The following B3GALNT2 variants were observed in gnomAD, a reference collection of about 807,000 sequenced individuals.
B3GALNT2 encodes beta-1,3-N-acetylgalactosaminyltransferase 2.
Under a neutral mutation model 61.1 loss-of-function variants are expected in B3GALNT2, and 53 were observed. The ratio of observed to expected loss-of-function variants is 0.87; its 90% CI spans 0.70 to 1.09. B3GALNT2 has a LOEUF of 1.09. Among genes scored for constraint, B3GALNT2 ranks in the 50% least tolerant of loss-of-function variants. B3GALNT2 has a pLI of 0.00. For synonymous variants in B3GALNT2, 223 were observed against 237.4 expected, an observed-to-expected ratio of 0.94 and a Z score of 0.56; for missense variants, 544 against 623.0, an observed-to-expected ratio of 0.87 and a Z score of 1.35.
chr1:235,441,166 T>C, the B3GALNT2 span: 1 of 153,314 alleles, frequency 6.5e-6, no homozygotes, highest in Non-Finnish European at 1.5e-5. Context: ...ATTTCACTGC[T>C]AAGAATGTTA....
intron 7 of B3GALNT2, among the ~76,000 whole-genome samples, chr1:235,461,019 C>T (rs1418598160): frequency 3.3e-5 from 5 of 152,188 alleles, no homozygotes; most frequent in African/African-American, 7.2e-5. Flanking sequence ...GCAATTCTTT[C>T]GCTGTGGCAG....
At chr1:235,442,827 G>T, downstream of B3GALNT2, 1 of 1,609,540 alleles carries the variant, frequency 6.2e-7, no homozygotes, top group Non-Finnish European at 8.5e-7. Flanking sequence ...ATATCAATTA[G>T]TCTTTTTCTT....
rs539701016 is a variant in B3GALNT2 at position 235,457,899 on chromosome 1, CTTTT to C, written c.1025+700_1025+703del. ...GCAGAAATGACTCAAAATGAATCAA[CTTTT>C]TTTTTTTTTTTCTTTTTTTTTGAGA... On this transcript the variant is annotated intron_variant, in intron 8 of 11. Transcript: ENST00000366600. Among the ~76,000 whole-genome samples, 192 of 142,866 alleles carry C rather than the reference CTTTT, an allele frequency of 1.3e-3. 1 individual carries two copies. Among genetic ancestry groups the C allele is most frequent in the African/African-American group, 4.5e-3 (177 of 38,912 alleles). The allele number at this position is 142,866 out of a possible 152,430, so 93.7% of individuals were successfully genotyped here. A position where few individuals can be genotyped will look rare whatever the true frequency, so the allele number is the denominator to read the frequency against.
At chr1:235,495,389 T>G (rs2102864364) in intron 1 of B3GALNT2, among the ~76,000 whole-genome samples, 1 of 152,306 alleles carries the variant, frequency 6.6e-6, no homozygotes, top group Middle Eastern at 3.4e-3. Context: ...TACATTAATG[T>G]TAGTTATTAA....
chr1:235,480,703 C>T (rs1572531938), intron 4 of B3GALNT2, among the ~76,000 whole-genome samples: 1 of 151,694 alleles, frequency 6.6e-6, no homozygotes, highest in Non-Finnish European at 1.5e-5. Flanking sequence ...TCAGGAGTTC[C>T]AGACCAGCCT....
chr1:235,443,911 A>G (rs1322798090), downstream of B3GALNT2, among the ~76,000 whole-genome samples: 1 of 152,244 alleles, frequency 6.6e-6, no homozygotes, highest in Non-Finnish European at 1.5e-5. Context: ...CAAAAGAAAA[A>G]TGAAATTATA....
intron 2 of B3GALNT2, among the ~76,000 whole-genome samples, chr1:235,493,926 G>C (rs964171537): frequency 6.6e-6 from 1 of 152,084 alleles, no homozygotes; most frequent in African/African-American, 2.4e-5. Context: ...TCTTCCCCTA[G>C]TCCCTCACTA....
intron 8 of B3GALNT2, among the ~76,000 whole-genome samples, chr1:235,458,012 T>C (rs1363615870): frequency 2.0e-5 from 3 of 151,888 alleles, no homozygotes. Context: ...GTTCAAGTGA[T>C]TTTCATGCCT....
At chr1:235,497,071 T>C (rs953605097) in intron 1 of B3GALNT2, among the ~76,000 whole-genome samples, 2 of 152,224 alleles carry the variant, frequency 1.3e-5, no homozygotes, top group Non-Finnish European at 2.9e-5. Flanking sequence ...TTGAATACGC[T>C]GGGTAACACA....
intron 3 of B3GALNT2, among the ~76,000 whole-genome samples, chr1:235,484,856 TAGA>T (rs1199578786): frequency 6.6e-6 from 1 of 152,178 alleles, no homozygotes; most frequent in Non-Finnish European, 1.5e-5. Flanking sequence ...GTTGGATAAA[TAGA>T]AATAAGAAAA....
Position 235,448,928 on chromosome 1 carries a change from C to T in B3GALNT2, c.*1278G>A. On this transcript the variant is annotated 3_prime_UTR_variant, in exon 12 of 12. Coordinates refer to ENST00000366600, the MANE Select transcript of B3GALNT2 (RefSeq NM_152490.5). ...TTGTTGGGAAGTGACCATTTCTAGG[C>T]TTATACATAATAGCAATAATAAAGG... 1 of 610,398 alleles carries T rather than the reference C, an allele frequency of 1.6e-6. No individual in the cohort carries two copies. The highest frequency in any genetic ancestry group is 1.7e-5 in the South Asian group (1 of 57,586). 37.8% of individuals were successfully genotyped at this position (610,398 alleles called of 1,614,324 possible). A position where few individuals can be genotyped will look rare whatever the true frequency, so the allele number is the denominator to read the frequency against.
At chr1:235,480,275 A>G in intron 4 of B3GALNT2, 126 bp from the exon 5 acceptor site, 1 of 1,404,776 alleles carries the variant, frequency 7.1e-7, no homozygotes. Flanking sequence ...GGTCACTAAC[A>G]TGGTTCTACT....
intron 1 of B3GALNT2, among the ~76,000 whole-genome samples, chr1:235,502,561 T>G (rs1685630280): frequency 6.6e-6 from 1 of 152,218 alleles, no homozygotes; most frequent in South Asian, 2.1e-4. Flanking sequence ...ACTTCTTCAT[T>G]TCCTTAATCT....
chr1:235,458,458 G>GAAA (rs1433581724), intron 8 of B3GALNT2, 145 bp downstream of exon 8: 1 of 1,000,936 alleles, frequency 1.0e-6, no homozygotes, highest in Non-Finnish European at 1.4e-6. Context: ...GCTAAGGCAG[G>GAAA]AGGTTTGCCT....
intron 5 of B3GALNT2, among the ~76,000 whole-genome samples, chr1:235,471,596 G>C (rs189914744): frequency 6.6e-6 from 1 of 152,282 alleles, no homozygotes; most frequent in East Asian, 1.9e-4. Context: ...CCTGGTATGG[G>C]ATACTAGTAA....
chr1:235,474,946 G>T (rs1684166057), intron 5 of B3GALNT2, among the ~76,000 whole-genome samples: 1 of 92,198 alleles, frequency 1.1e-5, no homozygotes, highest in Admixed American at 1.4e-4. Flanking sequence ...CATAAAATTA[G>T]AGACATATAT....
intron 2 of B3GALNT2, among the ~76,000 whole-genome samples, chr1:235,489,642 C>T (rs1358176808): frequency 1.3e-5 from 2 of 152,132 alleles, no homozygotes; most frequent in Non-Finnish European, 2.9e-5. Flanking sequence ...AGAAAGTGTT[C>T]CTTTTGCTCA....
intron 1 of B3GALNT2, among the ~76,000 whole-genome samples, chr1:235,502,142 A>G (rs761171969): frequency 2.6e-5 from 4 of 152,146 alleles, no homozygotes; most frequent in Admixed American, 6.5e-5. Context: ...CCTCCTTAGT[A>G]GCTGGGATTA....
intron 7 of B3GALNT2, chr1:235,465,230 A>T (rs1156280961): frequency 6.4e-6 from 1 of 156,488 alleles, no homozygotes; most frequent in Non-Finnish European, 1.4e-5. Flanking sequence ...TTATATGATC[A>T]TAAAAAAGAA....
Sources: gnomAD v4.1 joint callset for allele counts (sites outside exome capture counted in the v4.1 genomes callset) on GRCh38, gnomAD v4.1.1 for gene constraint, MANE v1.5 for transcripts, NCBI Gene and HGNC (gene_info 2026-07-23, HGNC 2026-07-21) for gene names.